Variants in GPHN observed in about 807,000 individuals in gnomAD.
GPHN encodes gephyrin.
Under a neutral mutation model 95.5 loss-of-function variants are expected in GPHN, and 17 were observed. That is an observed-to-expected ratio of 0.18 (90% CI 0.12 to 0.27). GPHN has a LOEUF of 0.27. Among genes scored for constraint, GPHN ranks in the 10% least tolerant of loss-of-function variants. GPHN has a pLI of 1.00. For missense variants in GPHN, 660 were observed against 978.1 expected (o/e 0.67, Z 4.34); for synonymous variants, 320 against 322.5 (o/e 0.99, Z 0.08).
chr14:67,348,875 AT>A, the GPHN span: 2 of 706,990 alleles, frequency 2.8e-6, no homozygotes, highest in Non-Finnish European at 4.6e-6. Flanking sequence ...ATCCTGAGTA[AT>A]TAGAAACCTG....
the GPHN span, among the ~76,000 whole-genome samples, chr14:67,687,687 T>C: frequency 6.6e-6 from 1 of 152,050 alleles, no homozygotes; most frequent in East Asian, 1.9e-4. Context: ...GTCAGGCTGG[T>C]CTTGAACTCC....
At chr14:66,923,039 T>C in intron 7 of GPHN, 101 bp downstream of exon 7, 1 of 976,548 alleles carries the variant, frequency 1.0e-6, no homozygotes, top group East Asian at 2.4e-5. Flanking sequence ...TTAATACTTC[T>C]TCAGAGAACC....
At chr14:67,670,677 T>A in the GPHN span, among the ~76,000 whole-genome samples, 1 of 152,038 alleles carries the variant, frequency 6.6e-6, no homozygotes, top group Non-Finnish European at 1.5e-5. Flanking sequence ...TACAGGCACA[T>A]GCCACCACAC....
the GPHN span, among the ~76,000 whole-genome samples, chr14:67,594,446 A>G: frequency 6.6e-6 from 1 of 152,202 alleles, no homozygotes; most frequent in South Asian, 2.1e-4. Flanking sequence ...CAAGAGATCG[A>G]GACCATCCTG....
intron 4 of GPHN, among the ~76,000 whole-genome samples, chr14:66,862,559 ATATC>A (rs1026460918): frequency 6.6e-6 from 1 of 152,066 alleles, no homozygotes; most frequent in Admixed American, 6.6e-5. Flanking sequence ...TTACAGGCCA[ATATC>A]TCTGATGAAT....
intron 1 of GPHN, among the ~76,000 whole-genome samples, chr14:66,566,811 C>T (rs2060479024): frequency 6.6e-6 from 1 of 152,140 alleles, no homozygotes; most frequent in Non-Finnish European, 1.5e-5. Flanking sequence ...CTCTTGGCAA[C>T]ACAAGGCTGT....
At chr14:66,805,359 C>A (rs2060505188) in intron 3 of GPHN, among the ~76,000 whole-genome samples, 1 of 152,154 alleles carries the variant, frequency 6.6e-6, no homozygotes, top group African/African-American at 2.4e-5. Context: ...GGGATACAAT[C>A]AAACCATATC....
At chr14:66,903,171 T>C (rs971932813) in intron 5 of GPHN, among the ~76,000 whole-genome samples, 15 of 152,176 alleles carry the variant, frequency 9.9e-5, no homozygotes, top group African/African-American at 2.7e-4. Flanking sequence ...TCTGTTTAGA[T>C]GACCTGTTCA....
At chr14:67,407,444 A>T in the GPHN span, among the ~76,000 whole-genome samples, 2 of 151,116 alleles carry the variant, frequency 1.3e-5, no homozygotes, top group Non-Finnish European at 2.9e-5. Context: ...TTTTTTAATT[A>T]AAAAAAATGT....
intron 1 of GPHN, among the ~76,000 whole-genome samples, chr14:66,604,314 TGAA>T (rs1172120789): frequency 6.6e-6 from 1 of 152,076 alleles, no homozygotes; most frequent in African/African-American, 2.4e-5. Flanking sequence ...CTACTCTAAT[TGAA>T]GATTATTTTC....
chr14:66,573,221 T>C lies in GPHN; in HGVS notation c.64+64630T>C, dbSNP rs150800038. Among the ~76,000 whole-genome samples, 147 of 152,346 alleles carry C rather than the reference T, an allele frequency of 9.6e-4. 1 individual carries two copies. In the Middle Eastern group the frequency reaches 0.034, roughly 35 times the overall value. ...TATCTGTGAGGTCCAATTTGGTCCA[T>C]AGTGCTGTTTGATTCTGTTGTTTCA... On this transcript the variant is annotated intron_variant, in intron 1 of 22. Coordinates refer to ENST00000478722, the MANE Select transcript of GPHN (RefSeq NM_020806.5).
the GPHN span, among the ~76,000 whole-genome samples, chr14:67,410,784 T>C: frequency 6.6e-6 from 1 of 152,186 alleles, no homozygotes; most frequent in Non-Finnish European, 1.5e-5. Context: ...ACCAGAAAGC[T>C]CAGCCCTGGA....
chr14:67,685,084 T>C, the GPHN span: 5 of 1,614,056 alleles, frequency 3.1e-6, no homozygotes, highest in Admixed American at 3.3e-5. Flanking sequence ...CTGGGCTCCC[T>C]GCTGAGGAGT....
chr14:67,446,431 C>A, the GPHN span, among the ~76,000 whole-genome samples: 1 of 152,190 alleles, frequency 6.6e-6, no homozygotes, highest in Admixed American at 6.5e-5. Context: ...TCCTGCCCTG[C>A]CCCTGAGCCA....
chr14:67,371,931 C>G, the GPHN span, among the ~76,000 whole-genome samples: 3 of 152,086 alleles, frequency 2.0e-5, no homozygotes, highest in African/African-American at 7.2e-5. Flanking sequence ...AAAGCATGAC[C>G]AAGTGGAGTG....
the GPHN span, chr14:67,392,337 G>C: frequency 6.2e-7 from 1 of 1,605,720 alleles, no homozygotes. Flanking sequence ...TGCTTGGCCA[G>C]GTAGCCTTGT....
intron 6 of GPHN, among the ~76,000 whole-genome samples, chr14:66,916,975 G>A (rs1302124026): frequency 6.6e-6 from 1 of 152,168 alleles, no homozygotes; most frequent in South Asian, 2.1e-4. Context: ...GCAGTGTAGG[G>A]TGTGGATATA....
the GPHN span, among the ~76,000 whole-genome samples, chr14:67,493,472 G>A: frequency 1.1e-4 from 17 of 152,350 alleles, no homozygotes; most frequent in Non-Finnish European, 1.8e-4. Context: ...CCTTTGTTCA[G>A]TGTGCTCTCG....
chr14:67,218,457 G>A, the GPHN span, among the ~76,000 whole-genome samples: 87 of 152,302 alleles, frequency 5.7e-4, no homozygotes, highest in Non-Finnish European at 1.1e-3. Flanking sequence ...GGGACAGCCT[G>A]TGGGCTGTTT....
Sources: allele counts gnomAD v4.1 joint callset (sites outside exome capture counted in the v4.1 genomes callset), GRCh38; gene constraint gnomAD v4.1.1; transcripts MANE v1.5; gene names NCBI Gene and HGNC (gene_info 2026-07-23, HGNC 2026-07-21).